The following KCNN3 variants were observed in gnomAD, a reference collection of about 807,000 sequenced individuals.
KCNN3 encodes the protein potassium calcium-activated channel subfamily N member 3.
In KCNN3, 16 loss-of-function variants were observed where a neutral mutation model predicts 62.9. That is an observed-to-expected ratio of 0.25 (90% CI 0.17 to 0.39). The LOEUF (loss-of-function observed/expected upper bound fraction) is 0.39, where lower values mean the gene tolerates loss of function less well. Ranked by LOEUF, KCNN3 falls within the 10% of genes least tolerant of loss-of-function variation. The pLI, the probability that KCNN3 is intolerant of heterozygous loss-of-function variation, is 1.00. For synonymous variants in KCNN3, 370 were observed against 389.2 expected (o/e 0.95, Z 0.58); for missense variants, 599 against 949.4 (o/e 0.63, Z 4.85).
chr1:154,855,218 A>AAAATAAATAAATAAAT (rs57512838), intron 1 of KCNN3, among the ~76,000 whole-genome samples: 4 of 149,262 alleles, frequency 2.7e-5, no homozygotes, highest in South Asian at 2.1e-4. Flanking sequence ...ACTCTGTCTC[A>AAAATAAATAAATAAAT]AAATAAATAA....
intron 1 of KCNN3, among the ~76,000 whole-genome samples, chr1:154,845,979 T>A (rs1216931421): frequency 1.3e-5 from 2 of 152,152 alleles, no homozygotes; most frequent in African/African-American, 4.8e-5. Flanking sequence ...TTTCCTACCC[T>A]TGTCAAGAGG....
chr1:154,715,869 C>A (rs563006707), intron 5 of KCNN3, among the ~76,000 whole-genome samples: 292 of 152,308 alleles, frequency 1.9e-3, no homozygotes, highest in Non-Finnish European at 3.3e-3. Context: ...TAAAAGACTT[C>A]TTTGAGAAAA....
chr1:154,712,083 C>G (rs555267986), intron 7 of KCNN3, among the ~76,000 whole-genome samples: 4 of 152,098 alleles, frequency 2.6e-5, no homozygotes, highest in Non-Finnish European at 4.4e-5. Context: ...CTGAAGCAGT[C>G]ACTTAAACAG....
At chr1:154,860,955 T>TTTG (rs1337765568) in intron 1 of KCNN3, among the ~76,000 whole-genome samples, 9 of 146,738 alleles carry the variant, frequency 6.1e-5, no homozygotes, top group South Asian at 2.3e-4. Context: ...ACCCAAGTTT[T>TTTG]TTTTTTTTTT....
chr1:154,762,514 G>A (rs1648064220), intron 3 of KCNN3, among the ~76,000 whole-genome samples: 1 of 152,136 alleles, frequency 6.6e-6, no homozygotes, highest in African/African-American at 2.4e-5. Context: ...GGGGAGATAA[G>A]TTCTTCTGAT....
At chr1:154,867,273 G>C (rs1370482935) in intron 1 of KCNN3, among the ~76,000 whole-genome samples, 1 of 152,192 alleles carries the variant, frequency 6.6e-6, no homozygotes, top group African/African-American at 2.4e-5. Context: ...AGAAGGACCC[G>C]CAGACGCAGA....
chr1:154,748,330 G>C (rs370600753), intron 3 of KCNN3, among the ~76,000 whole-genome samples: 1 of 152,134 alleles, frequency 6.6e-6, no homozygotes, highest in African/African-American at 2.4e-5. Flanking sequence ...AGCCTTTCCC[G>C]ACATCTGCCA....
chr1:154,865,257 C>T (rs556102322), intron 1 of KCNN3, among the ~76,000 whole-genome samples: 2 of 152,160 alleles, frequency 1.3e-5, no homozygotes, highest in East Asian at 3.9e-4. Flanking sequence ...CAGGTGGCAC[C>T]GATCAGTACA....
intron 1 of KCNN3, among the ~76,000 whole-genome samples, chr1:154,863,769 G>A (rs1652856119): frequency 6.6e-6 from 1 of 152,234 alleles, no homozygotes; most frequent in Admixed American, 6.5e-5. Context: ...GGCTGTGCAG[G>A]AGATAAGTGC....
rs532378535 is a variant in KCNN3 at position 154,868,912 on chromosome 1, C to T, written c.933+120G>A. Reference sequence around the variant, plus strand: ...TCCCAATCTCTCAATCTCTCTCTCTCTCTCTCTCTCTCTCTCTCTCTCTCA... The same window carrying T: ...TCCCAATCTCTCAATCTCTCTCTCTTTCTCTCTCTCTCTCTCTCTCTCTCA... On this transcript the variant is annotated intron_variant, in intron 1 of 7. Coordinates refer to ENST00000271915, the MANE Select transcript of KCNN3 (RefSeq NM_002249.6). The T allele has an allele frequency of 3.0e-6, 3 of 996,844 alleles. No homozygotes were observed. In the Admixed American group the frequency reaches 5.3e-5, roughly 18 times the overall value. 61.7% of individuals were successfully genotyped at this position (996,844 alleles called of 1,614,324 possible).
At position 154,869,302 on chromosome 1, in the gene KCNN3, G is replaced by A; in HGVS notation, c.663C>T (p.Ile221=). The change falls in exon 1 of 8, where the codon ATC becomes ATT. Residue 221 remains isoleucine, a synonymous_variant. Transcript: ENST00000271915. The surrounding 1 kb of genome is among the most constrained non-coding windows in gnomAD (Gnocchi z 6.1). Reference sequence around the variant, plus strand: ...GGGCATGGTTGTCCTCCCGGGAGGAGATGACGATCTCCGGGGGGTTGCTAG... The same window carrying A: ...GGGCATGGTTGTCCTCCCGGGAGGAAATGACGATCTCCGGGGGGTTGCTAG... The part of the protein sequence containing the change: ...FSPSNPPEIV[I]SSREDNHAHQ... 1 of 1,613,750 alleles carries A rather than the reference G, an allele frequency of 6.2e-7. No individual in the cohort carries two copies. Among genetic ancestry groups the A allele is most frequent in the Non-Finnish European group, 8.5e-7 (1 of 1,179,692 alleles).
At chr1:154,728,783 G>C (rs1293540899) in intron 4 of KCNN3, among the ~76,000 whole-genome samples, 1 of 152,110 alleles carries the variant, frequency 6.6e-6, no homozygotes, top group Non-Finnish European at 1.5e-5. Flanking sequence ...AAGAGAGAAG[G>C]AGGAGGCTGA....
At chr1:154,803,956 G>C (rs1221556454) in intron 2 of KCNN3, among the ~76,000 whole-genome samples, 1 of 152,220 alleles carries the variant, frequency 6.6e-6, no homozygotes, top group African/African-American at 2.4e-5. Context: ...ATCCCTGCCT[G>C]TGTGGGCTTT....
intron 1 of KCNN3, among the ~76,000 whole-genome samples, chr1:154,829,483 T>G (rs988194915): frequency 1.1e-4 from 17 of 152,142 alleles, no homozygotes; most frequent in African/African-American, 4.1e-4. Context: ...GTCACCTTCT[T>G]ACATGAAGCT....
chr1:154,825,909 G>A (rs1197324642), intron 1 of KCNN3, among the ~76,000 whole-genome samples: 4 of 151,580 alleles, frequency 2.6e-5, no homozygotes, highest in African/African-American at 2.4e-5. Context: ...TTAGCGGGAC[G>A]TGGTGGCAGG....
intron 1 of KCNN3, among the ~76,000 whole-genome samples, chr1:154,830,384 GA>G (rs1258961307): frequency 2.6e-5 from 4 of 152,216 alleles, no homozygotes; most frequent in Non-Finnish European, 5.9e-5. Flanking sequence ...ACCTCAGGAA[GA>G]CAGGATGGCA....
chr1:154,844,936 G>A (rs904955910), intron 1 of KCNN3, among the ~76,000 whole-genome samples: 7 of 152,074 alleles, frequency 4.6e-5, no homozygotes, highest in Non-Finnish European at 1.0e-4. Flanking sequence ...AGCCCAGGAG[G>A]TGGAGGTTGC....
intron 1 of KCNN3, among the ~76,000 whole-genome samples, chr1:154,829,193 G>A (rs992757489): frequency 6.6e-6 from 1 of 152,242 alleles, no homozygotes; most frequent in Admixed American, 6.5e-5. Context: ...AAGAAGAGAT[G>A]GGCCAAGGGT....
At chr1:154,774,760 A>T (rs1238184512) in intron 2 of KCNN3, among the ~76,000 whole-genome samples, 1 of 152,200 alleles carries the variant, frequency 6.6e-6, no homozygotes, top group Non-Finnish European at 1.5e-5. Flanking sequence ...GCTGGTTATG[A>T]TTGCCTTTAA....
Sources: allele counts gnomAD v4.1 joint callset (sites outside exome capture counted in the v4.1 genomes callset), GRCh38; gene constraint gnomAD v4.1.1; non-coding constraint Gnocchi (gnomAD v3.1); transcripts MANE v1.5; gene names NCBI Gene and HGNC (gene_info 2026-07-23, HGNC 2026-07-21).